Variants in NAV3 observed in about 807,000 individuals in gnomAD.
NAV3 encodes pore membrane and/or filament interacting like protein 1.
A neutral mutation model predicts 244.7 loss-of-function variants in NAV3; 87 were observed. That is an observed-to-expected ratio of 0.36 (90% confidence interval 0.30 to 0.42). NAV3 has a LOEUF of 0.42. Among genes scored for constraint, NAV3 ranks in the 20% least tolerant of loss-of-function variants. The pLI, the probability that NAV3 is intolerant of heterozygous loss-of-function variation, is 1.00. For missense variants in NAV3, 2,663 were observed against 2,893.3 expected (o/e 0.92, Z 1.83); for synonymous variants, 1,126 against 1,042.2 (o/e 1.08, Z -1.55).
intron 1 of NAV3, among the ~76,000 whole-genome samples, chr12:77,849,321 C>T (rs974732818): frequency 7.9e-5 from 12 of 152,006 alleles, no homozygotes; most frequent in Non-Finnish European, 1.5e-4. Flanking sequence ...ATGTCTATAT[C>T]GCAAAAAGAG....
At chr12:78,011,817 G>A (rs1566017654) in intron 8 of NAV3, among the ~76,000 whole-genome samples, 1 of 152,132 alleles carries the variant, frequency 6.6e-6, no homozygotes, top group Non-Finnish European at 1.5e-5. Context: ...GTTTTGCATG[G>A]CTGGGGAGGC....
intron 6 of NAV3, 87 bp downstream of exon 6, chr12:77,994,958 G>A: frequency 1.1e-6 from 1 of 936,628 alleles, no homozygotes; most frequent in Admixed American, 2.5e-5. Context: ...TTTTTTTAAT[G>A]ATGCACTTCT....
At chr12:77,872,308 A>T (rs1014560001) in intron 1 of NAV3, among the ~76,000 whole-genome samples, 3 of 152,176 alleles carry the variant, frequency 2.0e-5, no homozygotes, top group African/African-American at 2.4e-5. Context: ...CTGAACATTG[A>T]AATAAAGTAG....
At position 78,155,239 on chromosome 12, in the gene NAV3, G is replaced by A. The variant is rs144485744; in HGVS notation, c.4786-3964G>A. ...CACCATGTGCCCACGTGTTCTCATC[G>A]TTCTACTCCCACTTATAAGTGAGAA... is the stretch of plus-strand genomic sequence containing the variant. On this transcript the variant is annotated intron_variant, in intron 22 of 39. Transcript: ENST00000397909. 8.7e-3 allele frequency among the ~76,000 whole-genome samples: 1,321 copies of A among 152,038 alleles called. 7 individuals are homozygous for A. Among genetic ancestry groups the A allele is most frequent in the Non-Finnish European group, 0.013 (906 of 67,982 alleles).
chr12:78,020,797 G>A (rs1000064372), intron 8 of NAV3, among the ~76,000 whole-genome samples: 1 of 151,706 alleles, frequency 6.6e-6, no homozygotes, highest in Non-Finnish European at 1.5e-5. Context: ...TATTCTTAAA[G>A]TAGTAAATAT....
intron 8 of NAV3, among the ~76,000 whole-genome samples, chr12:78,009,845 C>T (rs1041856807): frequency 6.6e-6 from 1 of 152,160 alleles, no homozygotes; most frequent in Non-Finnish European, 1.5e-5. Flanking sequence ...TTTTAGCACA[C>T]AGCCAGATTT....
chr12:78,182,305 T>A (rs985711564), intron 30 of NAV3, among the ~76,000 whole-genome samples: 3 of 151,974 alleles, frequency 2.0e-5, no homozygotes, highest in African/African-American at 7.2e-5. Context: ...CTGAACAACA[T>A]CCTCTATGTT....
intron 1 of NAV3, among the ~76,000 whole-genome samples, chr12:77,916,484 A>G (rs1887159322): frequency 6.6e-6 from 1 of 151,922 alleles, no homozygotes. Flanking sequence ...AGGAAAGGCT[A>G]TTAGGCATGT....
At chr12:78,188,532 A>G in intron 32 of NAV3, 77 bp from the exon 33 acceptor site, 1 of 1,410,148 alleles carries the variant, frequency 7.1e-7, no homozygotes, top group African/African-American at 1.4e-5. Flanking sequence ...CTAGCTCTAT[A>G]TCCCTGTGAG....
At chr12:77,764,459 T>A (rs1869640474) in intron 2 of NAV3, among the ~76,000 whole-genome samples, 3 of 152,240 alleles carry the variant, frequency 2.0e-5, no homozygotes. Context: ...AAACTAGGTT[T>A]GAACAATTTT....
At position 77,955,357 on chromosome 12, in the gene NAV3, A is replaced by G. The variant is rs888597136; in HGVS notation, c.415-10872A>G. 3.3e-5 allele frequency among the ~76,000 whole-genome samples: 5 copies of G among 152,096 alleles called. No individual in the cohort carries two copies. The South Asian group carries it at 1.0e-3, about 32-fold the overall frequency. On this transcript the variant is annotated intron_variant, in intron 3 of 39. Coordinates refer to ENST00000397909, the MANE Select transcript of NAV3 (RefSeq NM_001024383.2). The stretch of plus-strand genomic sequence containing the variant: ...GCAAAACCTTCCTAACCTCTCAGGG[A>G]CTAACTCAGGCTTCCCTTAAAGCAG...
chr12:78,100,666 T>C (rs1425395241), intron 12 of NAV3, among the ~76,000 whole-genome samples: 2 of 152,068 alleles, frequency 1.3e-5, no homozygotes, highest in African/African-American at 4.8e-5. Flanking sequence ...TGATTTTCTA[T>C]TGCACTTCTA....
At chr12:78,131,992 T>C (rs1438562569) in intron 18 of NAV3, among the ~76,000 whole-genome samples, 1 of 152,146 alleles carries the variant, frequency 6.6e-6, no homozygotes, top group African/African-American at 2.4e-5. Context: ...TTTTGAAAGA[T>C]TGTATTTTTG....
intron 1 of NAV3, among the ~76,000 whole-genome samples, chr12:77,832,648 T>G (rs781537307): frequency 5.3e-5 from 8 of 152,200 alleles, no homozygotes; most frequent in Non-Finnish European, 1.0e-4. Flanking sequence ...ATATATTCTT[T>G]TAGTTATTTA....
intron 2 of NAV3, among the ~76,000 whole-genome samples, chr12:77,733,970 G>A (rs991685207): frequency 1.5e-4 from 22 of 151,352 alleles, no homozygotes; most frequent in African/African-American, 5.3e-4. Context: ...GACAAAGCAA[G>A]GAAAGGTAAG....
At chr12:77,863,844 G>A (rs1258718245) in intron 1 of NAV3, among the ~76,000 whole-genome samples, 1 of 151,812 alleles carries the variant, frequency 6.6e-6, no homozygotes, top group Non-Finnish European at 1.5e-5. Flanking sequence ...GCTACTTAAA[G>A]ACAGTTTACT....
upstream of NAV3, among the ~76,000 whole-genome samples, chr12:77,827,225 G>C (rs1873095096): frequency 2.0e-5 from 2 of 102,280 alleles, no homozygotes; most frequent in Non-Finnish European, 3.5e-5. Flanking sequence ...GATAGAGCAA[G>C]ACTCTGTCTC....
Position 78,050,937 on chromosome 12 carries a change from G to A in NAV3, c.2306G>A (p.Ser769Asn), listed in dbSNP as rs2137253325. 2 of 1,614,078 alleles carry A rather than the reference G, an allele frequency of 1.2e-6. No homozygotes were observed. The highest frequency in any genetic ancestry group is 2.2e-5 in the East Asian group (1 of 44,836). The part of the protein sequence containing the change: ...LGAGYPRSGT[S>N]RFIHTDPSRF... ...GCTGGCTATCCTCGCAGTGGTACCA[G>A]TCGATTCATCCACACAGACCCCTCG... is the stretch of plus-strand genomic sequence containing the variant. Residue 769 changes from serine to asparagine, a missense_variant, in exon 11 of 40, where the codon AGT (serine) becomes AAT (asparagine). This residue lies in a region of NAV3 where 1,521 missense variants were observed against 1,497.0 expected (regional missense o/e 1.02). Transcript: ENST00000397909.
chr12:77,722,396 C>G (rs1167228631), intron 2 of NAV3, among the ~76,000 whole-genome samples: 1 of 152,022 alleles, frequency 6.6e-6, no homozygotes, highest in African/African-American at 2.4e-5. Flanking sequence ...GCAACAGGTA[C>G]TATAAAAATC....
Sources: allele counts gnomAD v4.1 joint callset (sites outside exome capture counted in the v4.1 genomes callset), GRCh38; gene constraint gnomAD v4.1.1; regional missense constraint gnomAD v4.1.1; transcripts MANE v1.5; gene names NCBI Gene and HGNC (gene_info 2026-07-23, HGNC 2026-07-21).